Variants in ZNF208 observed in about 807,000 individuals in gnomAD.
ZNF208 encodes zinc finger protein 208.
A neutral mutation model predicts 12.1 loss-of-function variants in ZNF208; 10 were observed. The observed-to-expected ratio is 0.83, with a 90% CI of 0.51 to 1.40. ZNF208 has a LOEUF of 1.40. Among genes scored for constraint, ZNF208 ranks in the 40% most tolerant of loss-of-function variants. The pLI is 0.00. For synonymous variants in ZNF208, 497 were observed against 488.4 expected, an observed-to-expected ratio of 1.02 and a Z score of -0.23; for missense variants, 1,652 against 1,485.0, an observed-to-expected ratio of 1.11 and a Z score of -1.85.
intron 4 of ZNF208, among the ~76,000 whole-genome samples, chr19:21,945,173 C>A (rs1969797102): frequency 6.6e-6 from 1 of 152,186 alleles, no homozygotes. Flanking sequence ...ACACCACTTT[C>A]CACCTCTTTA....
rs1226814963 is a variant in ZNF208 at position 21,966,733 on chromosome 19, A to G, written c.*4458T>C. On this transcript the variant is annotated 3_prime_UTR_variant, in exon 4 of 4. Transcript: ENST00000397126. ...ATTTGCATTCCCACCAACAGTGTAGAAAGATTTCCTTATCTCTACAACTTC... is the reference window on the plus strand; with the variant it reads ...ATTTGCATTCCCACCAACAGTGTAGGAAGATTTCCTTATCTCTACAACTTC... The G allele has an allele frequency of 6.6e-6, 1 of 152,162 alleles. No homozygotes were observed. Among genetic ancestry groups the G allele is most frequent in the African/African-American group, 2.4e-5 (1 of 41,448 alleles). The allele number at this position is 152,162 out of a possible 1,614,324, so 9.4% of individuals were successfully genotyped here.
intron 4 of ZNF208, among the ~76,000 whole-genome samples, chr19:21,953,619 T>G (rs1599603310): frequency 6.6e-6 from 1 of 152,160 alleles, no homozygotes; most frequent in African/African-American, 2.4e-5. Context: ...CTGACAGATT[T>G]TGTCACCACC....
chr19:21,981,411 A>G (rs1271308132), intron 3 of ZNF208, among the ~76,000 whole-genome samples: 1 of 152,182 alleles, frequency 6.6e-6, no homozygotes, highest in Non-Finnish European at 1.5e-5. Flanking sequence ...CAACATACAC[A>G]AATCAATAAA....
downstream of ZNF208, among the ~76,000 whole-genome samples, chr19:21,964,670 A>T (rs1408195887): frequency 1.3e-5 from 2 of 151,766 alleles, no homozygotes; most frequent in Admixed American, 1.3e-4. Context: ...TTAAATTTTT[A>T]TATTAAAATC....
At position 21,966,762 on chromosome 19, in the gene ZNF208, A is replaced by T. The variant is rs2145536734; in HGVS notation, c.*4429T>A. The T allele has an allele frequency of 6.6e-6, 1 of 152,278 alleles. No homozygotes were observed. The highest frequency in any genetic ancestry group is 1.5e-5 in the Non-Finnish European group (1 of 68,002). The allele number at this position is 152,278 out of a possible 1,614,324, so 9.4% of individuals were successfully genotyped here. A position where few individuals can be genotyped will look rare whatever the true frequency, so the allele number is the denominator to read the frequency against. ...ATTTCCTTATCTCTACAACTTCAAC[A>T]TCTTATTTATCTTACTTTTAATAAG... On this transcript the variant is annotated 3_prime_UTR_variant, in exon 4 of 4. Coordinates refer to ENST00000397126, the MANE Select transcript of ZNF208 (RefSeq NM_007153.3).
At chr19:21,954,941 A>G (rs547891315) in intron 4 of ZNF208, among the ~76,000 whole-genome samples, 7 of 152,054 alleles carry the variant, frequency 4.6e-5, no homozygotes, top group Non-Finnish European at 5.9e-5. Context: ...GGTCTTTACA[A>G]TTTGGCATGT....
downstream of ZNF208, chr19:21,965,679 T>G (rs1483966187): frequency 6.6e-6 from 1 of 152,080 alleles, no homozygotes; most frequent in Non-Finnish European, 1.5e-5. Flanking sequence ...TTCTGTTGAA[T>G]TATTTTTGGA....
chr19:21,944,975 C>A (rs1969794709), intron 4 of ZNF208, among the ~76,000 whole-genome samples: 2 of 152,218 alleles, frequency 1.3e-5, no homozygotes, highest in Admixed American at 6.5e-5. Flanking sequence ...AATAGAGAAA[C>A]TCCCCTGTAA....
chr19:21,944,680 C>T (rs2666456), intron 4 of ZNF208, among the ~76,000 whole-genome samples: 85,990 of 151,866 alleles, frequency 0.57, 24,575 homozygotes, highest in East Asian at 0.69. Flanking sequence ...TATTGTTTCC[C>T]GGGCACACAG....
chr19:21,960,778 T>C (rs1471953518), intron 4 of ZNF208, among the ~76,000 whole-genome samples: 1 of 152,310 alleles, frequency 6.6e-6, no homozygotes, highest in East Asian at 1.9e-4. Flanking sequence ...TCCTGAAGCC[T>C]CTGCAGCTGT....
rs775940002 is a variant in ZNF208, at chr19:21,974,131, A to G, written c.903T>C (p.Thr301=). The change falls in exon 4 of 4, where the codon ACT becomes ACC. Residue 301 remains threonine, a synonymous_variant. Transcript: ENST00000397126. ...CTCCAGCATGAATTGCCTTATGTGT[A>G]GTAAGAGTCGAGACCTTACTAAAGG... is the stretch of plus-strand genomic sequence containing the variant. The part of the protein sequence containing the change: ...GKAFSKVSTL[T]THKAIHAGEK... The G allele has an allele frequency of 3.1e-6, 5 of 1,609,652 alleles. No individual in the cohort carries two copies. In the African/African-American group the frequency reaches 6.7e-5, roughly 22 times the overall value.
chr19:22,002,609 G>T (rs987438938), intron 1 of ZNF208, among the ~76,000 whole-genome samples: 2 of 151,696 alleles, frequency 1.3e-5, no homozygotes, highest in Non-Finnish European at 2.9e-5. Context: ...CCACAGAAAA[G>T]AATAATATAT....
chr19:21,954,980 T>C (rs1969949299), intron 4 of ZNF208, among the ~76,000 whole-genome samples: 1 of 152,190 alleles, frequency 6.6e-6, no homozygotes, highest in South Asian at 2.1e-4. Context: ...CAGCTGTTCC[T>C]TTTTATGTTT....
chr19:21,943,126 C>T (rs188277662), intron 4 of ZNF208, among the ~76,000 whole-genome samples: 4 of 151,934 alleles, frequency 2.6e-5, no homozygotes, highest in Non-Finnish European at 5.9e-5. Context: ...CCTTGCACCA[C>T]GTAAGAAAAA....
Position 21,971,936 on chromosome 19 carries a change from T to G in ZNF208, c.3098A>C (p.Glu1033Ala), listed in dbSNP as rs750963930. 6.3e-7 allele frequency: 1 copy of G among 1,576,840 alleles called. No homozygotes were observed. The highest frequency in any genetic ancestry group is 8.6e-7 in the Non-Finnish European group (1 of 1,156,734). The part of the protein sequence containing the change: ...HTGETPYKCE[E>A]CDKAFSWPSS... ...GGGCCAGCTGAAGGCTTTGTCACAT[T>G]CTTCACATTTGTAGGGTGTCTCTCC... is the stretch of plus-strand genomic sequence containing the variant. Residue 1033 changes from glutamate to alanine, a missense_variant, in exon 4 of 4, where the codon GAA becomes GCA. Around this residue, in one of 3 missense-constraint regions of ZNF208, gnomAD observed 1,239 missense variants for 1,086.2 expected, o/e 1.14. Coordinates refer to ENST00000397126, the MANE Select transcript of ZNF208 (RefSeq NM_007153.3).
At chr19:21,984,434 T>A (rs1005262644) in intron 3 of ZNF208, among the ~76,000 whole-genome samples, 10 of 152,152 alleles carry the variant, frequency 6.6e-5, no homozygotes, top group Non-Finnish European at 1.5e-4. Flanking sequence ...GCACCTGTAG[T>A]CCCAGCTACT....
intron 3 of ZNF208, among the ~76,000 whole-genome samples, chr19:21,984,784 C>T (rs1599623045): frequency 6.6e-6 from 1 of 152,156 alleles, no homozygotes; most frequent in East Asian, 1.9e-4. Context: ...AAGTACCCAA[C>T]AATCTTAAAA....
At chr19:21,961,257 C>A (rs1336730334), downstream of ZNF208, among the ~76,000 whole-genome samples, 2 of 152,082 alleles carry the variant, frequency 1.3e-5, no homozygotes, top group Non-Finnish European at 2.9e-5. Flanking sequence ...GTGATGCCCA[C>A]CTGAGCCACA....
chr19:21,980,297 T>TATTCTA (rs3029030), intron 3 of ZNF208, among the ~76,000 whole-genome samples: 88,082 of 151,048 alleles, frequency 0.58, 25,857 homozygotes, highest in East Asian at 0.69. Context: ...ACATCACTCT[T>TATTCTA]AAATTGACAA....
Sources: gnomAD v4.1 joint callset for allele counts (sites outside exome capture counted in the v4.1 genomes callset) on GRCh38, gnomAD v4.1.1 for gene constraint, gnomAD v4.1.1 regional missense constraint, MANE v1.5 for transcripts, NCBI Gene and HGNC (gene_info 2026-07-23, HGNC 2026-07-21) for gene names.